The following MXRA7 variants were observed in gnomAD, a reference collection of about 807,000 sequenced individuals.
The protein encoded by MXRA7 is matrix-remodeling-associated protein 7.
Under a neutral mutation model 17.4 loss-of-function variants are expected in MXRA7, and 18 were observed. That is an observed-to-expected ratio of 1.03 (90% CI 0.71 to 1.53). The LOEUF (loss-of-function observed/expected upper bound fraction) is 1.53, where lower values mean the gene tolerates loss of function less well. MXRA7 is among the 40% of genes most tolerant of loss of function. MXRA7 has a pLI of 0.00. For synonymous variants in MXRA7, 70 were observed against 101.7 expected, an observed-to-expected ratio of 0.69 and a Z score of 1.87; for missense variants, 141 against 209.3, an observed-to-expected ratio of 0.67 and a Z score of 2.01.
chr17:76,684,634 G>C, intron 3 of MXRA7: 1 of 421,796 alleles, frequency 2.4e-6, no homozygotes, highest in Non-Finnish European at 4.7e-6. Context: ...GCCGGCCTGG[G>C]AGGCCGCTGA....
chr17:76,698,382 C>G (rs2076556872), intron 1 of MXRA7, among the ~76,000 whole-genome samples: 1 of 152,016 alleles, frequency 6.6e-6, no homozygotes, highest in Non-Finnish European at 1.5e-5. Context: ...AGCAGCAAAG[C>G]CCAGCTGGCG....
intron 2 of MXRA7, among the ~76,000 whole-genome samples, chr17:76,686,428 C>T (rs533118094): frequency 6.2e-4 from 94 of 152,080 alleles, no homozygotes; most frequent in Non-Finnish European, 1.0e-3. Context: ...TGCAGTGAGC[C>T]GAGATCGCGC....
downstream of MXRA7, chr17:76,676,953 C>T (rs1026190297): frequency 1.5e-4 from 23 of 151,930 alleles, no homozygotes; most frequent in African/African-American, 5.1e-4. Context: ...CAGCTTTCTT[C>T]CCTACAGTTA....
downstream of MXRA7, among the ~76,000 whole-genome samples, chr17:76,679,292 A>AAAGGG (rs1567974751): frequency 2.7e-5 from 4 of 149,282 alleles, no homozygotes; most frequent in African/African-American, 1.0e-4. Context: ...TGTCTCAAAA[A>AAAGGG]AAAAAAAAAA....
chr17:76,694,685 C>T (rs186699009), intron 1 of MXRA7, among the ~76,000 whole-genome samples: 23 of 152,224 alleles, frequency 1.5e-4, no homozygotes, highest in African/African-American at 5.3e-4. Context: ...TTCCAGGCTC[C>T]GTCAATCCTC....
At chr17:76,684,223 C>T (rs1298451731) in intron 3 of MXRA7, among the ~76,000 whole-genome samples, 1 of 152,194 alleles carries the variant, frequency 6.6e-6, no homozygotes, top group Non-Finnish European at 1.5e-5. Flanking sequence ...TCATAAACCA[C>T]CCCTCCTGCT....
rs1446598566 is a variant in MXRA7, at chr17:76,680,450, C to G, written c.*417G>C. The G allele has an allele frequency of 2.0e-6, 2 of 990,342 alleles. No individual in the cohort carries two copies. The highest frequency in any genetic ancestry group is 2.4e-6 in the Non-Finnish European group (2 of 833,378). 61.3% of individuals were successfully genotyped at this position (990,342 alleles called of 1,614,324 possible). A position where few individuals can be genotyped will look rare whatever the true frequency, so the allele number is the denominator to read the frequency against. On this transcript the variant is annotated 3_prime_UTR_variant, in exon 4 of 4. Transcript: ENST00000449428. ...TCATTTGTCTCTCATTCCTCAAAGT[C>G]TTCTGTGGTTTGGCTTCAGTGAGGG...
intron 2 of MXRA7, among the ~76,000 whole-genome samples, chr17:76,686,634 A>G (rs981848415): frequency 6.6e-6 from 1 of 152,254 alleles, no homozygotes; most frequent in Non-Finnish European, 1.5e-5. Flanking sequence ...GCAGTGCACC[A>G]GGCAGCGCAT....
At chr17:76,699,320 AT>A (rs1176865723) in intron 1 of MXRA7, among the ~76,000 whole-genome samples, 1 of 151,530 alleles carries the variant, frequency 6.6e-6, no homozygotes. Flanking sequence ...TAGTTTTCTT[AT>A]TTTTTGTAGA....
intron 1 of MXRA7, among the ~76,000 whole-genome samples, chr17:76,692,766 A>G (rs1044172540): frequency 6.6e-6 from 1 of 152,202 alleles, no homozygotes; most frequent in Admixed American, 6.5e-5. Flanking sequence ...ATACCTTGAT[A>G]TCTCTCACTC....
chr17:76,693,103 T>C (rs919563643), intron 1 of MXRA7, among the ~76,000 whole-genome samples: 8 of 152,240 alleles, frequency 5.3e-5, no homozygotes, highest in African/African-American at 1.7e-4. Context: ...TGTAGGTTTG[T>C]ACATTTAAAC....
rs137988830 is a variant in MXRA7 at position 76,682,053 on chromosome 17, C to T, written c.501-1174G>A. Among the ~76,000 whole-genome samples, 7 of 152,312 alleles carry T rather than the reference C, an allele frequency of 4.6e-5. No individual in the cohort carries two copies. The East Asian group carries it at 7.7e-4, about 17-fold the overall frequency. On this transcript the variant is annotated intron_variant, in intron 3 of 3. Transcript: ENST00000449428. ...CTGCCTCTGGATTTACAGACCTGAC[C>T]GCTTTCTGGCCCCAGGCGGAAGGAA...
intron 1 of MXRA7, among the ~76,000 whole-genome samples, chr17:76,691,275 G>A (rs937803715): frequency 2.6e-5 from 4 of 152,234 alleles, no homozygotes; most frequent in African/African-American, 9.6e-5. Context: ...GGGGACGGAA[G>A]CTCCTGCATT....
downstream of MXRA7, chr17:76,676,036 T>C (rs904962981): frequency 1.3e-5 from 2 of 152,238 alleles, no homozygotes; most frequent in Non-Finnish European, 2.9e-5. Context: ...CTGTGAATTG[T>C]CCTGCCAGTG....
intron 1 of MXRA7, chr17:76,710,034 T>C (rs903180054): frequency 3.3e-5 from 5 of 152,342 alleles, no homozygotes; most frequent in African/African-American, 1.2e-4. Flanking sequence ...AAAGGACTGC[T>C]GGGATCGGGT....
At position 76,710,931 on chromosome 17, in the gene MXRA7, C is replaced by G. The variant is rs1028064094; in HGVS notation, c.16G>C (p.Glu6Gln). The G allele has an allele frequency of 3.0e-6, 3 of 996,514 alleles. No homozygotes were observed. Among genetic ancestry groups the G allele is most frequent in the Non-Finnish European group, 3.6e-6 (3 of 840,514 alleles). The allele number at this position is 996,514 out of a possible 1,614,324, so 61.7% of individuals were successfully genotyped here. The part of the protein sequence containing the change: MEAPA[E>Q]LLAALPALAT... ...AGCGCAGGCAGCGCGGCCAGTAGCTCGGCCGGCGCCTCCATCGCGCCGCGG... is the reference window on the plus strand; with the variant it reads ...AGCGCAGGCAGCGCGGCCAGTAGCTGGGCCGGCGCCTCCATCGCGCCGCGG... Residue 6 changes from glutamate to glutamine, a missense_variant, in exon 1 of 4, where the codon GAG becomes CAG. Glu to Gln is a conservative substitution (Grantham distance 29, BLOSUM62 2). Transcript: ENST00000449428.
chr17:76,691,504 T>C (rs1366534473), intron 1 of MXRA7, among the ~76,000 whole-genome samples: 1 of 152,064 alleles, frequency 6.6e-6, no homozygotes, highest in Non-Finnish European at 1.5e-5. Context: ...CTGATACTTG[T>C]GATTGGCCCC....
downstream of MXRA7, among the ~76,000 whole-genome samples, chr17:76,678,197 T>G (rs2076256918): frequency 6.6e-6 from 1 of 152,184 alleles, no homozygotes; most frequent in Non-Finnish European, 1.5e-5. Context: ...AGACGGTGCT[T>G]GGCAAAGGAG....
chr17:76,704,781 CAAAAAAAAAAA>C (rs34446989), intron 1 of MXRA7, among the ~76,000 whole-genome samples: 1 of 92,918 alleles, frequency 1.1e-5, no homozygotes, highest in Non-Finnish European at 2.1e-5. Context: ...AACTCCGTCT[CAAAAAAAAAAA>C]AAAAAAAAAG....
Sources: allele counts gnomAD v4.1 joint callset (sites outside exome capture counted in the v4.1 genomes callset), GRCh38; gene constraint gnomAD v4.1.1; transcripts MANE v1.5; gene names NCBI Gene and HGNC (gene_info 2026-07-23, HGNC 2026-07-21).